PKN3: variants seen among roughly 807,000 people sequenced by gnomAD.
PKN3 encodes the protein serine/threonine-protein kinase N3.
A neutral mutation model predicts 113.1 loss-of-function variants in PKN3; 91 were observed. The ratio of observed to expected loss-of-function variants is 0.80; its 90% CI spans 0.68 to 0.96. The LOEUF (loss-of-function observed/expected upper bound fraction) is 0.96, where lower values mean the gene tolerates loss of function less well. Ranked by LOEUF, PKN3 falls within the 40% of genes least tolerant of loss-of-function variation. The probability of loss-of-function intolerance (pLI) is 0.00; values close to 1 mark genes in which losing one functional copy is unlikely to be tolerated. For missense variants in PKN3, 1,052 were observed against 1,202.2 expected, an observed-to-expected ratio of 0.88 and a Z score of 1.85; for synonymous variants, 467 against 499.0, an observed-to-expected ratio of 0.94 and a Z score of 0.85.
intron 1 of PKN3, chr9:128,704,271 C>CCAGGAA: frequency 2.0e-6 from 1 of 501,100 alleles, no homozygotes; most frequent in Non-Finnish European, 2.6e-6. Context: ...CTGGGTGAAG[C>CCAGGAA]CGTGAGAGAG....
chr9:128,717,117 CTTTTTTTTT>C lies in PKN3; in HGVS notation c.1985+212_1985+220del, dbSNP rs34182369. On this transcript the variant is annotated intron_variant, in intron 16 of 21. Coordinates refer to ENST00000291906, the MANE Select transcript of PKN3 (RefSeq NM_013355.5). Reference sequence around the variant, plus strand: ...GCTTATGAAGCTGTGCATTAGGTTTCTTTTTTTTTTTTTTTTTTTTTTTTTTGTGAGACA... The same window carrying C: ...GCTTATGAAGCTGTGCATTAGGTTTCTTTTTTTTTTTTTTTTTGTGAGACA... 1.1e-3 allele frequency among the ~76,000 whole-genome samples: 27 copies of C among 24,378 alleles called. 1 individual carries two copies. Among genetic ancestry groups the C allele is most frequent in the East Asian group, 1.5e-3 (1 of 658 alleles). 16.0% of individuals were successfully genotyped at this position (24,378 alleles called of 152,430 possible).
Position 128,714,647 on chromosome 9 carries a change from A to T in PKN3, c.1567A>T (p.Thr523Ser). 1 of 1,435,490 alleles carries T rather than the reference A, an allele frequency of 7.0e-7. No homozygotes were observed. The highest frequency in any genetic ancestry group is 9.8e-7 in the Non-Finnish European group (1 of 1,017,660). The allele number at this position is 1,435,490 out of a possible 1,614,324, so 88.9% of individuals were successfully genotyped here. Residue 523 changes from threonine to serine, a missense_variant, in exon 12 of 22, where the codon ACA (threonine) becomes TCA (serine). Coordinates refer to ENST00000291906, the MANE Select transcript of PKN3 (RefSeq NM_013355.5). The stretch of plus-strand genomic sequence containing the variant: ...ACGCCTCTACCTCCCCCAGGAGCCA[A>T]CATCCGAGGAGACTCCGGTGAGGGG... ...PPRLYLPQEP[T>S]SEETPRTKRP...
chr9:128,716,624 C>T (rs1862346347), intron 15 of PKN3, 123 bp from the exon 16 acceptor site: 2 of 701,404 alleles, frequency 2.9e-6, no homozygotes, highest in Non-Finnish European at 4.9e-6. Flanking sequence ...TGAAAAGAAA[C>T]CATCAGTCTA....
At chr9:128,703,344 C>T (rs1004396275) in intron 1 of PKN3, 13 of 984,292 alleles carry the variant, frequency 1.3e-5, no homozygotes, top group Non-Finnish European at 1.3e-5. Flanking sequence ...AGAATGTGCG[C>T]GCAGCGGGGG....
In PKN3 at chr9:128,720,536, T is replaced by C; in HGVS notation, c.2600T>C (p.Leu867Pro). 1.2e-6 allele frequency: 2 copies of C among 1,613,446 alleles called. No homozygotes were observed. Among genetic ancestry groups the C allele is most frequent in the Non-Finnish European group, 1.7e-6 (2 of 1,180,016 alleles). The change falls in exon 22 of 22, where the codon CTC becomes CCC. Residue 867 changes from leucine (L) to proline (P), a missense_variant. Physicochemically the swap from Leu to Pro is moderately conservative, Grantham distance 98. Around this residue, in one of 2 missense-constraint regions of PKN3, gnomAD observed 333 missense variants for 442.8 expected, o/e 0.75. Transcript: ENST00000291906. This position sits in a 1 kb window ranked among gnomAD's most constrained non-coding sequence, Gnocchi z 5.5. ...PALTPPAPHS[L>P]LTARQQAAFR... ...CTGACCCCACCTGCACCCCACAGCC[T>C]CCTCACTGCCCGCCAACAGGCCGCC...
At position 128,719,968 on chromosome 9, in the gene PKN3, C is replaced by A. The variant is rs1208281885; in HGVS notation, c.2327C>A (p.Ala776Asp). 1 of 1,614,120 alleles carries A rather than the reference C, an allele frequency of 6.2e-7. No homozygotes were observed. Among genetic ancestry groups the A allele is most frequent in the Non-Finnish European group, 8.5e-7 (1 of 1,179,982 alleles). ...TTTGACTGCATCGTCAACATGGACG[C>A]CCCCTACCCCGGCTTTCTGTCGGTG... ...EVFDCIVNMD[A>D]PYPGFLSVQG... Residue 776 changes from alanine (A) to aspartate (D), a missense_variant, in exon 20 of 22, where the codon GCC (alanine) becomes GAC (aspartate). Around this residue, in one of 2 missense-constraint regions of PKN3, gnomAD observed 333 missense variants for 442.8 expected, o/e 0.75. Transcript: ENST00000291906.
chr9:128,707,071 C>A (rs758426831), intron 5 of PKN3, 48 bp downstream of exon 5: 1 of 1,611,674 alleles, frequency 6.2e-7, no homozygotes, highest in South Asian at 1.1e-5. Flanking sequence ...TGTTCCCATA[C>A]CACCCTCAGC....
chr9:128,705,179 CCCTGTGCGAGTCAGT>C (rs1419498131), intron 1 of PKN3, 109 bp from the exon 2 acceptor site: 16 of 1,270,580 alleles, frequency 1.3e-5, no homozygotes, highest in Non-Finnish European at 1.6e-5. Flanking sequence ...GCTTCCAAAA[CCCTGTGCGAGTCAGT>C]CCTGGGTGCC....
chr9:128,719,734 TC>T lies in PKN3; in HGVS notation c.2176del (p.Leu726TrpfsTer6), dbSNP rs1200189932. The T allele has an allele frequency of 6.3e-7, 1 of 1,594,484 alleles. No individual in the cohort carries two copies. The highest frequency in any genetic ancestry group is 1.1e-5 in the South Asian group (1 of 87,480). ...AGCACCTTCTGTGGCACCCCGGAGT[TC>T]CTGGCTCCCGAGGTGCTGACCCAGG... ...RTSTFCGTPE[F>X]LAPEVLTQEA... is the part of the protein sequence containing the mutation. On this transcript the variant is annotated frameshift_variant, in exon 19 of 22. Coordinates refer to ENST00000291906, the MANE Select transcript of PKN3 (RefSeq NM_013355.5). LOFTEE classifies it high-confidence loss of function.
At chr9:128,719,580 C>A in intron 18 of PKN3, 106 bp from the exon 19 acceptor site, 2 of 1,160,226 alleles carry the variant, frequency 1.7e-6, no homozygotes, top group Non-Finnish European at 2.4e-6. Flanking sequence ...GGGTACAGGG[C>A]AGGGCTTGGC....
chr9:128,715,458 G>C lies in PKN3; in HGVS notation c.1806G>C (p.Glu602Asp). The C allele has an allele frequency of 1.9e-6, 3 of 1,613,106 alleles. No individual in the cohort carries two copies. The highest frequency in any genetic ancestry group is 2.5e-6 in the Non-Finnish European group (3 of 1,179,386). Residue 602 changes from glutamate to aspartate, a missense_variant and splice_region_variant, in exon 15 of 22, where the codon GAG becomes GAC. By Grantham distance (45) the Glu-to-Asp change is conservative. This residue lies in a region of PKN3 where 333 missense variants were observed against 442.8 expected (regional missense o/e 0.75). Coordinates refer to ENST00000291906, the MANE Select transcript of PKN3 (RefSeq NM_013355.5). The surrounding 1 kb of genome is among the most constrained non-coding windows in gnomAD (Gnocchi z 4.1). ...KQEVLSRDEIESLYCEKRILE... is the reference protein window; with the variant it reads ...KQEVLSRDEIDSLYCEKRILE... ...AGGTGCTCAGCCGGGACGAGATAGAGAGGTGTGTGGGGGTGCCGCAGGGCA... is the reference window on the plus strand; with the variant it reads ...AGGTGCTCAGCCGGGACGAGATAGACAGGTGTGTGGGGGTGCCGCAGGGCA...
intron 16 of PKN3, among the ~76,000 whole-genome samples, chr9:128,717,350 A>T (rs1426053981): frequency 6.7e-6 from 1 of 148,882 alleles, no homozygotes; most frequent in Admixed American, 6.7e-5. Context: ...TTGGTCTCTA[A>T]CTCCTGACCT....
chr9:128,720,518 C>A lies in PKN3; in HGVS notation c.2582C>A (p.Pro861Gln). ...ACAGGGCTGCCGCCTGCCCTGACCC[C>A]ACCTGCACCCCACAGCCTCCTCACT... is the stretch of plus-strand genomic sequence containing the variant. ...EFTGLPPALT[P>Q]PAPHSLLTAR... is the part of the protein sequence containing the mutation. Residue 861 changes from proline (P) to glutamine (Q), a missense_variant, in exon 22 of 22, where the codon CCA (proline) becomes CAA (glutamine). Pro to Gln is a moderately conservative substitution (Grantham distance 76, BLOSUM62 -1). Around this residue, in one of 2 missense-constraint regions of PKN3, gnomAD observed 333 missense variants for 442.8 expected, o/e 0.75. Transcript: ENST00000291906. This position sits in a 1 kb window ranked among gnomAD's most constrained non-coding sequence, Gnocchi z 5.5. 6.2e-7 allele frequency: 1 copy of A among 1,613,460 alleles called. No individual in the cohort carries two copies. The highest frequency in any genetic ancestry group is 2.2e-5 in the East Asian group (1 of 44,880).
intron 3 of PKN3, among the ~76,000 whole-genome samples, chr9:128,706,129 G>C (rs1376439469): frequency 1.3e-5 from 2 of 152,256 alleles, no homozygotes; most frequent in Non-Finnish European, 2.9e-5. Context: ...GTCCAGAACT[G>C]GGCCTCAGTC....
chr9:128,719,764 C>A lies in PKN3; in HGVS notation c.2204C>A (p.Ala735Glu). Residue 735 changes from alanine (A) to glutamate (E), a missense_variant, in exon 19 of 22, where the codon GCA (alanine) becomes GAA (glutamate). Around this residue, in one of 2 missense-constraint regions of PKN3, gnomAD observed 333 missense variants for 442.8 expected, o/e 0.75. Transcript: ENST00000291906. Reference protein sequence around the residue: ...FLAPEVLTQEAYTRAVDWWGL... With the variant: ...FLAPEVLTQEEYTRAVDWWGL... The stretch of plus-strand genomic sequence containing the variant: ...GCTCCCGAGGTGCTGACCCAGGAGG[C>A]ATACACACGGGCTGTGGACTGGTGG... 6.2e-7 allele frequency: 1 copy of A among 1,606,422 alleles called. No homozygotes were observed. The highest frequency in any genetic ancestry group is 1.3e-5 in the African/African-American group (1 of 74,854).
intron 15 of PKN3, 76 bp from the exon 16 acceptor site, chr9:128,716,670 AG>A: frequency 8.4e-7 from 1 of 1,188,738 alleles, no homozygotes; most frequent in Non-Finnish European, 1.2e-6. Context: ...CCAGTGAGCC[AG>A]GGGTGTTGTG....
At position 128,718,902 on chromosome 9, in the gene PKN3, G is replaced by GT. The variant is rs1358001877; in HGVS notation, c.2125+288dup. On this transcript the variant is annotated intron_variant, in intron 18 of 21. Transcript: ENST00000291906. The stretch of plus-strand genomic sequence containing the variant: ...CTGCCTTCTGTTTTTTTTTTGGTTT[G>GT]TTTTTTTTTTTGAGACGGAGTCTTG... Among the ~76,000 whole-genome samples, 17 of 131,886 alleles carry GT rather than the reference G, an allele frequency of 1.3e-4. 1 individual carries two copies. Among genetic ancestry groups the GT allele is most frequent in the Non-Finnish European group, 2.0e-4 (13 of 64,772 alleles). The allele number at this position is 131,886 out of a possible 152,430, so 86.5% of individuals were successfully genotyped here.
In PKN3 at chr9:128,705,789, A is replaced by G. The variant is rs1425791574; in HGVS notation, c.321A>G (p.Leu107=). 6.2e-7 allele frequency: 1 copy of G among 1,608,636 alleles called. No individual in the cohort carries two copies. Among genetic ancestry groups the G allele is most frequent in the Non-Finnish European group, 8.5e-7 (1 of 1,177,736 alleles). ...CAGAGCAGCTCAGGGCTCGGCACCT[A>G]GAGGCTCTCCGGAGGCAGCTGCATG... is the stretch of plus-strand genomic sequence containing the variant. ...PWAEQLRARH[L]EALRRQLHVE... is the part of the protein sequence containing the mutation. Residue 107 remains leucine, a synonymous_variant, in exon 3 of 22, where the codon CTA becomes CTG. Coordinates refer to ENST00000291906, the MANE Select transcript of PKN3 (RefSeq NM_013355.5).
rs541987640 is a variant in PKN3 at position 128,705,180 on chromosome 9, C to T, written c.25-123C>T. 38 of 1,277,882 alleles carry T rather than the reference C, an allele frequency of 3.0e-5. No homozygotes were observed. In the South Asian group the frequency reaches 4.8e-4, roughly 16 times the overall value. 79.2% of individuals were successfully genotyped at this position (1,277,882 alleles called of 1,614,324 possible). Reference sequence around the variant, plus strand: ...CTAAGGGGAGAGAGGCTTCCAAAACCCTGTGCGAGTCAGTCCTGGGTGCCG... The same window carrying T: ...CTAAGGGGAGAGAGGCTTCCAAAACTCTGTGCGAGTCAGTCCTGGGTGCCG... On this transcript the variant is annotated intron_variant, in intron 1 of 21. Transcript: ENST00000291906.
Sources: gnomAD v4.1 joint callset for allele counts (sites outside exome capture counted in the v4.1 genomes callset) on GRCh38, gnomAD v4.1.1 for gene constraint, gnomAD v4.1.1 regional missense constraint, Gnocchi (gnomAD v3.1) non-coding constraint, MANE v1.5 for transcripts, NCBI Gene and HGNC (gene_info 2026-07-23, HGNC 2026-07-21) for gene names.